The following ZFP62 variants were observed in gnomAD, a reference collection of about 807,000 sequenced individuals.
ZFP62 encodes the protein zinc finger protein 62 homolog.
A neutral mutation model predicts 56.4 loss-of-function variants in ZFP62; 44 were observed. That is an observed-to-expected ratio of 0.78 (90% CI 0.61 to 1.00). The LOEUF (loss-of-function observed/expected upper bound fraction) is 1.00, where lower values mean the gene tolerates loss of function less well. Among genes scored for constraint, ZFP62 ranks in the 50% least tolerant of loss-of-function variants. ZFP62 has a pLI of 0.00. For synonymous variants in ZFP62, 421 were observed against 388.9 expected, an observed-to-expected ratio of 1.08 and a Z score of -0.97; for missense variants, 1,030 against 1,085.7, an observed-to-expected ratio of 0.95 and a Z score of 0.72.
chr5:180,861,190 G>A (rs1040497751), intron 1 of ZFP62, 29 bp downstream of exon 1: 3 of 398,272 alleles, frequency 7.5e-6, no homozygotes, highest in African/African-American at 6.2e-5. Context: ...GCCGGGGGCG[G>A]GAGCGCGGGC....
chr5:180,859,042 C>T (rs189740024), intron 1 of ZFP62, among the ~76,000 whole-genome samples: 1 of 152,210 alleles, frequency 6.6e-6, no homozygotes, highest in Non-Finnish European at 1.5e-5. Context: ...AGAACCGGCC[C>T]TACATTCTTG....
chr5:180,828,165 T>C, the ZFP62 span, among the ~76,000 whole-genome samples: 1 of 152,208 alleles, frequency 6.6e-6, no homozygotes, highest in Non-Finnish European at 1.5e-5. Flanking sequence ...TGTCTTTTTC[T>C]TTTCCAAGTC....
chr5:180,839,468 G>A, the ZFP62 span, among the ~76,000 whole-genome samples: 2 of 152,194 alleles, frequency 1.3e-5, no homozygotes, highest in Non-Finnish European at 1.5e-5. Flanking sequence ...AGCAACATGA[G>A]TGGAGCTGGA....
At chr5:180,831,186 C>A in the ZFP62 span, 7 of 151,302 alleles carry the variant, frequency 4.6e-5, no homozygotes, top group South Asian at 1.3e-3. Context: ...TTCTCACAGC[C>A]CGCCGCCGCC....
the ZFP62 span, among the ~76,000 whole-genome samples, chr5:180,837,731 A>C: frequency 2.6e-5 from 4 of 152,202 alleles, no homozygotes; most frequent in Non-Finnish European, 5.9e-5. Flanking sequence ...TTCTGGGATG[A>C]ATTTGCCTTG....
In ZFP62 at chr5:180,848,864, A is replaced by C. The variant is rs752398826; in HGVS notation, c.2631T>G (p.Ser877Arg). The C allele has an allele frequency of 1.3e-6, 2 of 1,551,502 alleles. No individual in the cohort carries two copies. The highest frequency in any genetic ancestry group is 1.7e-6 in the Non-Finnish European group (2 of 1,146,890). ...CATAGGTTCTCTTCTGGGATGTGCC[A>C]CTATAACTTCCCACATATATCACAT... ...SLNVIYVGSYSGTSQKRTYEG... is the reference protein window; with the variant it reads ...SLNVIYVGSYRGTSQKRTYEG... The change falls in exon 2 of 2, where the codon AGT (serine) becomes AGG (arginine). Residue 877 changes from serine (S) to arginine (R), a missense_variant. By Grantham distance (110) the Ser-to-Arg change is moderately radical (BLOSUM62 -1). Coordinates refer to ENST00000502412, the MANE Select transcript of ZFP62 (RefSeq NM_001172638.2).
At chr5:180,831,808 TC>T in the ZFP62 span, 1 of 152,710 alleles carries the variant, frequency 6.5e-6, no homozygotes, top group Non-Finnish European at 1.5e-5. Flanking sequence ...GCCTTCCAGG[TC>T]GGTCTTTCTC....
In ZFP62 at chr5:180,850,304, G is replaced by A; in HGVS notation, c.1191C>T (p.Val397=). The part of the protein sequence containing the change: ...HTGEKPYKCD[V]CGKAFSYSSG... Reference sequence around the variant, plus strand: ...AGCTATAGCTGAATGCTTTGCCACAGACATCACACTTGTAAGGTTTCTCTC... The same window carrying A: ...AGCTATAGCTGAATGCTTTGCCACAAACATCACACTTGTAAGGTTTCTCTC... Residue 397 remains valine (V), a synonymous_variant, in exon 2 of 2, where the codon GTC becomes GTT. Coordinates refer to ENST00000502412, the MANE Select transcript of ZFP62 (RefSeq NM_001172638.2). 1 of 1,565,208 alleles carries A rather than the reference G, an allele frequency of 6.4e-7. No individual in the cohort carries two copies. Among genetic ancestry groups the A allele is most frequent in the South Asian group, 1.2e-5 (1 of 85,020 alleles).
At chr5:180,852,502 C>T (rs569675361) in intron 1 of ZFP62, among the ~76,000 whole-genome samples, 8 of 150,174 alleles carry the variant, frequency 5.3e-5, no homozygotes, top group East Asian at 2.0e-4. Context: ...TGCAGTGAGC[C>T]GAGATCGTTC....
downstream of ZFP62, chr5:180,845,864 A>T: frequency 1.0e-6 from 1 of 985,454 alleles, no homozygotes; most frequent in South Asian, 4.7e-5. Context: ...TTTCACGCCC[A>T]GTGTCTTCAT....
chr5:180,859,001 C>T (rs1774158218), intron 1 of ZFP62, among the ~76,000 whole-genome samples: 1 of 152,192 alleles, frequency 6.6e-6, no homozygotes, highest in Non-Finnish European at 1.5e-5. Context: ...GCTTTATCGC[C>T]AAGGCCTAGA....
chr5:180,838,261 T>C, the ZFP62 span, among the ~76,000 whole-genome samples: 1 of 151,936 alleles, frequency 6.6e-6, no homozygotes, highest in African/African-American at 2.4e-5. Flanking sequence ...TGGTGGAGCA[T>C]GGCCTGGCAT....
chr5:180,849,533 G>A lies in ZFP62; in HGVS notation c.1962C>T (p.Phe654=), dbSNP rs1475884803. The A allele has an allele frequency of 2.3e-5, 35 of 1,551,976 alleles. No homozygotes were observed. Among genetic ancestry groups the A allele is most frequent in the Admixed American group, 3.9e-5 (2 of 50,982 alleles). Residue 654 remains phenylalanine, a synonymous_variant, in exon 2 of 2, where the codon TTC becomes TTT. Transcript: ENST00000502412. ...PYECDRCEKV[F]RNNSSLKVHK... The stretch of plus-strand genomic sequence containing the variant: ...GAACTTTAAGGCTTGAGTTGTTTCT[G>A]AAGACCTTCTCACACCTGTCACATT...
At chr5:180,851,626 C>T in intron 1 of ZFP62, 133 bp from the exon 2 acceptor site, 3 of 1,075,962 alleles carry the variant, frequency 2.8e-6, no homozygotes, top group Non-Finnish European at 3.9e-6. Flanking sequence ...TACCATGTGC[C>T]ATGTACCGGT....
chr5:180,846,909 G>C (rs1445981384), downstream of ZFP62, among the ~76,000 whole-genome samples: 2 of 152,194 alleles, frequency 1.3e-5, no homozygotes, highest in Non-Finnish European at 2.9e-5. Flanking sequence ...ATGTGCAAAG[G>C]AGGATAGAGA....
intron 1 of ZFP62, among the ~76,000 whole-genome samples, chr5:180,852,314 T>C (rs1268620843): frequency 6.6e-6 from 1 of 152,074 alleles, no homozygotes; most frequent in East Asian, 1.9e-4. Context: ...TCCCACCACT[T>C]TGAGAAGCTG....
Position 180,849,672 on chromosome 5 carries a change from T to C in ZFP62, c.1823A>G (p.Lys608Arg). ...FITYRTLTNH[K>R]KVHLGEKPYK... is the part of the protein sequence containing the mutation. ...GGGCTTCTCCCCAAGATGAACTTTT[T>C]TGTGGTTTGTAAGGGTTCGGTATGT... The change falls in exon 2 of 2, where the codon AAA becomes AGA. Residue 608 changes from lysine (K) to arginine (R), a missense_variant. By Grantham distance (26) the Lys-to-Arg change is conservative. Coordinates refer to ENST00000502412, the MANE Select transcript of ZFP62 (RefSeq NM_001172638.2). 1.9e-6 allele frequency: 3 copies of C among 1,551,734 alleles called. No homozygotes were observed. Among genetic ancestry groups the C allele is most frequent in the Non-Finnish European group, 2.6e-6 (3 of 1,146,998 alleles).
chr5:180,845,288 C>T (rs1005987187), downstream of ZFP62, among the ~76,000 whole-genome samples: 1 of 131,242 alleles, frequency 7.6e-6, no homozygotes, highest in Non-Finnish European at 1.5e-5. Flanking sequence ...GAGCTAATGC[C>T]CCTGCACTCC....
downstream of ZFP62, chr5:180,845,683 T>G (rs1452732115): frequency 2.0e-6 from 2 of 984,846 alleles, no homozygotes; most frequent in African/African-American, 3.5e-5. Flanking sequence ...AGGAACTCCT[T>G]GGGTACAGCT....
Sources: gnomAD v4.1 joint callset for allele counts (sites outside exome capture counted in the v4.1 genomes callset) on GRCh38, gnomAD v4.1.1 for gene constraint, MANE v1.5 for transcripts, NCBI Gene and HGNC (gene_info 2026-07-23, HGNC 2026-07-21) for gene names.